ALDH1A1: variants seen among roughly 807,000 people sequenced by gnomAD.
ALDH1A1 encodes aldehyde dehydrogenase 1A1.
ALDH1A1 carries 19 observed loss-of-function variants against 62.1 expected under a neutral mutation model. That is an observed-to-expected ratio of 0.31 (90% CI 0.21 to 0.45). ALDH1A1 has a LOEUF of 0.45. ALDH1A1 is among the 20% of genes least tolerant of loss of function. ALDH1A1 has a pLI of 1.00. For missense variants in ALDH1A1, 521 were observed against 607.1 expected, an observed-to-expected ratio of 0.86 and a Z score of 1.49; for synonymous variants, 231 against 215.9, an observed-to-expected ratio of 1.07 and a Z score of -0.61.
At chr9:72,908,557 AAGAAAG>A (rs1416745000) in intron 11 of ALDH1A1, among the ~76,000 whole-genome samples, 8 of 3,686 alleles carry the variant, frequency 2.2e-3, no homozygotes, top group East Asian at 0.028. Flanking sequence ...AGAAAGAAGA[AAGAAAG>A]AAAGAAAGAA....
chr9:72,921,656 CA>C (rs1485220054), intron 7 of ALDH1A1, among the ~76,000 whole-genome samples: 2 of 148,716 alleles, frequency 1.3e-5, no homozygotes, highest in African/African-American at 4.9e-5. Context: ...GTATATCTCC[CA>C]ATGCTATCCC....
In ALDH1A1 at chr9:72,924,124, A is replaced by G. The variant is rs766660256; in HGVS notation, c.642T>C (p.Phe214=). 1 of 1,601,746 alleles carries G rather than the reference A, an allele frequency of 6.2e-7. No homozygotes were observed. Among genetic ancestry groups the G allele is most frequent in the Non-Finnish European group, 8.5e-7 (1 of 1,175,566 alleles). The change falls in exon 7 of 13, where the codon TTT becomes TTC. Residue 214 remains phenylalanine, a synonymous_variant. Transcript: ENST00000297785. The part of the protein sequence containing the change: ...HVASLIKEAG[F]PPGVVNIVPG... ...GAACAATATTCACTACTCCAGGAGG[A>G]AACCCTGCCTAAAAGATAAAAAGTT...
At chr9:72,927,017 A>G (rs1830220140) in intron 5 of ALDH1A1, 99 bp downstream of exon 5, 1 of 884,060 alleles carries the variant, frequency 1.1e-6, no homozygotes, top group East Asian at 2.5e-5. Flanking sequence ...ACATTTAACA[A>G]ATACATAAGC....
chr9:72,907,478 G>A (rs945974504), intron 11 of ALDH1A1, among the ~76,000 whole-genome samples: 1 of 152,186 alleles, frequency 6.6e-6, no homozygotes, highest in Non-Finnish European at 1.5e-5. Flanking sequence ...GTCATAACAA[G>A]CTTCATCAAA....
At chr9:72,940,346 C>A (rs1013429500) in intron 1 of ALDH1A1, 94 bp from the exon 2 acceptor site, 3 of 856,336 alleles carry the variant, frequency 3.5e-6, no homozygotes, top group Admixed American at 3.8e-5. Context: ...TTTCACCATG[C>A]CTAAATGATG....
intron 1 of ALDH1A1, 94 bp downstream of exon 1, chr9:72,952,841 T>C (rs1830558666): frequency 4.2e-6 from 6 of 1,430,762 alleles, no homozygotes; most frequent in Admixed American, 4.2e-5. Context: ...CAAAGGGCTC[T>C]TTACACAAGT....
At chr9:72,946,049 G>GT (rs1830470086) in intron 1 of ALDH1A1, among the ~76,000 whole-genome samples, 2 of 151,870 alleles carry the variant, frequency 1.3e-5, no homozygotes, top group African/African-American at 4.8e-5. Flanking sequence ...CACAGCATTT[G>GT]TTTTGAGCCA....
intron 10 of ALDH1A1, 139 bp from the exon 11 acceptor site, chr9:72,909,898 C>A (rs1270389565): frequency 7.7e-6 from 5 of 648,538 alleles, no homozygotes; most frequent in East Asian, 3.1e-5. Flanking sequence ...GTGTGAGAAT[C>A]CAAATAGGTA....
intron 4 of ALDH1A1, 37 bp downstream of exon 4, chr9:72,928,855 C>T: frequency 6.2e-7 from 1 of 1,607,546 alleles, no homozygotes; most frequent in Non-Finnish European, 8.5e-7. Flanking sequence ...CTCCTCGCTC[C>T]TATCCTCACC....
At position 72,940,350 on chromosome 9, in the gene ALDH1A1, A is replaced by G. The variant is rs1487095262; in HGVS notation, c.67-98T>C. On this transcript the variant is annotated intron_variant, in intron 1 of 12. Transcript: ENST00000297785. ...AAACTAAAGCATTTCACCATGCCTA[A>G]ATGATGCACATCTCTTCACCTCTCA... 5 of 816,696 alleles carry G rather than the reference A, an allele frequency of 6.1e-6. No homozygotes were observed. In the East Asian group the frequency reaches 1.0e-4, roughly 17 times the overall value. 50.6% of individuals were successfully genotyped at this position (816,696 alleles called of 1,614,324 possible). A position where few individuals can be genotyped will look rare whatever the true frequency, so the allele number is the denominator to read the frequency against.
At chr9:72,903,704 C>T (rs999857401) in intron 12 of ALDH1A1, among the ~76,000 whole-genome samples, 1 of 151,242 alleles carries the variant, frequency 6.6e-6, no homozygotes, top group Non-Finnish European at 1.5e-5. Context: ...ATGGTTGATT[C>T]CTGTTTTCAG....
At chr9:72,908,599 GA>G (rs1564622838) in intron 11 of ALDH1A1, among the ~76,000 whole-genome samples, 14 of 144,550 alleles carry the variant, frequency 9.7e-5, no homozygotes, top group South Asian at 8.7e-4. Context: ...AAGAAAGAAA[GA>G]AAGAAAGAAA....
chr9:72,952,105 C>T (rs1292596034), intron 1 of ALDH1A1, among the ~76,000 whole-genome samples: 2 of 151,926 alleles, frequency 1.3e-5, no homozygotes, highest in African/African-American at 4.8e-5. Context: ...AATTTCTTAC[C>T]ATACTTTCTG....
chr9:72,936,417 T>C (rs1830347067), intron 2 of ALDH1A1, among the ~76,000 whole-genome samples: 1 of 152,200 alleles, frequency 6.6e-6, no homozygotes, highest in Non-Finnish European at 1.5e-5. Context: ...TGTTTGTTAG[T>C]TGCAAACTGC....
intron 12 of ALDH1A1, among the ~76,000 whole-genome samples, chr9:72,904,497 C>G (rs1829850341): frequency 6.6e-6 from 1 of 152,142 alleles, no homozygotes; most frequent in Non-Finnish European, 1.5e-5. Context: ...ATATCCTACA[C>G]TTGCTTTCTG....
At chr9:72,948,489 T>A (rs1190942097) in intron 1 of ALDH1A1, among the ~76,000 whole-genome samples, 2 of 151,908 alleles carry the variant, frequency 1.3e-5, no homozygotes, top group East Asian at 3.9e-4. Flanking sequence ...TCTTTGAGCA[T>A]AACATGCTCT....
chr9:72,926,964 T>A (rs1830219710), intron 5 of ALDH1A1, 152 bp downstream of exon 5: 1 of 556,896 alleles, frequency 1.8e-6, no homozygotes, highest in East Asian at 2.9e-5. Flanking sequence ...GCAAGAAGTT[T>A]AGTCACAGGG....
At chr9:72,925,350 T>A in intron 6 of ALDH1A1, 134 bp downstream of exon 6, 2 of 1,031,804 alleles carry the variant, frequency 1.9e-6, no homozygotes, top group Non-Finnish European at 2.7e-6. Context: ...CCAGCCGTCA[T>A]GCTAAATGTA....
At chr9:72,934,448 A>G (rs1053765401) in intron 2 of ALDH1A1, among the ~76,000 whole-genome samples, 1 of 152,000 alleles carries the variant, frequency 6.6e-6, no homozygotes, top group Non-Finnish European at 1.5e-5. Context: ...TTCATCTACA[A>G]TCTCAAGGTC....
Sources: allele counts gnomAD v4.1 joint callset (sites outside exome capture counted in the v4.1 genomes callset), GRCh38; gene constraint gnomAD v4.1.1; transcripts MANE v1.5; gene names NCBI Gene and HGNC (gene_info 2026-07-23, HGNC 2026-07-21).